The following C8A variants were observed in gnomAD, a reference collection of about 807,000 sequenced individuals.
C8A encodes complement component C8 alpha chain.
C8A carries 67 observed loss-of-function variants against 65.3 expected under a neutral mutation model. The observed-to-expected ratio is 1.03, with a 90% CI of 0.84 to 1.26. The LOEUF (loss-of-function observed/expected upper bound fraction) is 1.26, where lower values mean the gene tolerates loss of function less well. Ranked by LOEUF, C8A falls within the 50% of genes most tolerant of loss-of-function variation. The pLI, the probability that C8A is intolerant of heterozygous loss-of-function variation, is 0.00. For missense variants in C8A, 781 were observed against 723.9 expected, an observed-to-expected ratio of 1.08 and a Z score of -0.90; for synonymous variants, 290 against 259.4, an observed-to-expected ratio of 1.12 and a Z score of -1.13.
chr1:56,869,635 T>C (rs1644123577), intron 2 of C8A, among the ~76,000 whole-genome samples: 2 of 152,238 alleles, frequency 1.3e-5, no homozygotes, highest in Non-Finnish European at 2.9e-5. Flanking sequence ...CCACCAGTAG[T>C]GTAAAACTGT....
At chr1:56,894,890 G>T (rs1225147224) in intron 7 of C8A, among the ~76,000 whole-genome samples, 1 of 152,036 alleles carries the variant, frequency 6.6e-6, no homozygotes, top group Admixed American at 6.6e-5. Flanking sequence ...CAGCCAAATT[G>T]GTTACCACCC....
chr1:56,906,126 T>G (rs1644462350), intron 7 of C8A, among the ~76,000 whole-genome samples: 2 of 152,126 alleles, frequency 1.3e-5, no homozygotes, highest in East Asian at 3.9e-4. Flanking sequence ...CAAAGAGAAT[T>G]GTGATGAAGA....
chr1:56,875,426 C>T (rs1376608552), intron 3 of C8A, among the ~76,000 whole-genome samples: 1 of 152,076 alleles, frequency 6.6e-6, no homozygotes, highest in Admixed American at 6.6e-5. Flanking sequence ...AATAATGCAC[C>T]TTACCTTGAT....
intron 9 of C8A, 93 bp downstream of exon 9, chr1:56,908,206 C>A: frequency 7.2e-7 from 1 of 1,388,012 alleles, no homozygotes; most frequent in Non-Finnish European, 1.0e-6. Context: ...ATGAGCCCAT[C>A]AAAGAACAAG....
intron 8 of C8A, 30 bp downstream of exon 8, chr1:56,906,822 A>G: frequency 6.2e-7 from 1 of 1,613,858 alleles, no homozygotes; most frequent in Non-Finnish European, 8.5e-7. Context: ...TCTCCCAAAA[A>G]GAGAAGCCAG....
chr1:56,917,072 C>T (rs72670338), intron 10 of C8A, among the ~76,000 whole-genome samples: 20,205 of 152,222 alleles, frequency 0.13, 1,729 homozygotes, highest in East Asian at 0.34. Flanking sequence ...GGGAGCACAC[C>T]TCCTGCCTCC....
intron 10 of C8A, among the ~76,000 whole-genome samples, chr1:56,916,856 A>C (rs1361154900): frequency 6.6e-6 from 1 of 152,184 alleles, no homozygotes; most frequent in East Asian, 1.9e-4. Context: ...TGGTCAGTGC[A>C]TGTGTTCAGA....
intron 10 of C8A, among the ~76,000 whole-genome samples, chr1:56,916,770 C>T (rs1644555845): frequency 6.6e-6 from 1 of 152,202 alleles, no homozygotes; most frequent in South Asian, 2.1e-4. Flanking sequence ...GTCCATCCTT[C>T]TCATATGATA....
In C8A at chr1:56,896,799, G is replaced by C. The variant is rs1644390263; in HGVS notation, c.1097-9868G>C. Among the ~76,000 whole-genome samples, 3 of 152,202 alleles carry C rather than the reference G, an allele frequency of 2.0e-5. No individual in the cohort carries two copies. The South Asian group carries it at 6.2e-4, about 31-fold the overall frequency. ...TCTGGAAAGTCTCATGTAATCAAGT[G>C]CTTCCAAGAGTGTATCTCAGTGGAA... is the stretch of plus-strand genomic sequence containing the variant. On this transcript the variant is annotated intron_variant, in intron 7 of 10. Transcript: ENST00000361249.
intron 9 of C8A, among the ~76,000 whole-genome samples, chr1:56,911,051 T>C (rs1644501304): frequency 1.5e-5 from 2 of 136,562 alleles, no homozygotes; most frequent in African/African-American, 5.5e-5. Flanking sequence ...ATGCATGCAA[T>C]TTGAAAAACA....
chr1:56,857,085 A>G (rs891878532), intron 1 of C8A, among the ~76,000 whole-genome samples: 1 of 152,040 alleles, frequency 6.6e-6, no homozygotes, highest in African/African-American at 2.4e-5. Context: ...GATCAACCTT[A>G]GTGAATATTC....
At chr1:56,870,652 T>C (rs1363817229) in intron 2 of C8A, among the ~76,000 whole-genome samples, 2 of 147,090 alleles carry the variant, frequency 1.4e-5, no homozygotes, top group African/African-American at 2.6e-5. Context: ...GTGGCCATTA[T>C]TCAACCTGTT....
At chr1:56,857,558 T>C (rs961598270) in intron 1 of C8A, among the ~76,000 whole-genome samples, 6 of 152,090 alleles carry the variant, frequency 3.9e-5, no homozygotes, top group Admixed American at 6.5e-5. Context: ...CATACATAGA[T>C]GAGGCTTGCT....
At chr1:56,875,335 C>T (rs1396136920) in intron 3 of C8A, among the ~76,000 whole-genome samples, 5 of 152,168 alleles carry the variant, frequency 3.3e-5, no homozygotes, top group South Asian at 4.1e-4. Context: ...CATTCATTCA[C>T]CCACTCATTG....
intron 2 of C8A, among the ~76,000 whole-genome samples, chr1:56,874,504 C>T (rs1276601156): frequency 1.3e-5 from 2 of 152,204 alleles, no homozygotes; most frequent in African/African-American, 4.8e-5. Context: ...CCTCTCTTCT[C>T]TACCCTCAAT....
intron 7 of C8A, among the ~76,000 whole-genome samples, chr1:56,891,784 G>A (rs147016858): frequency 6.6e-6 from 1 of 152,234 alleles, no homozygotes; most frequent in African/African-American, 2.4e-5. Context: ...GAAGGTGCCA[G>A]CTTCATGGTA....
intron 5 of C8A, among the ~76,000 whole-genome samples, chr1:56,882,950 G>T (rs1157886494): frequency 2.0e-5 from 3 of 151,126 alleles, no homozygotes; most frequent in East Asian, 1.9e-4. Context: ...CTACTCACAG[G>T]CTCATAAGGC....
chr1:56,867,022 T>C (rs1644095935), intron 1 of C8A, among the ~76,000 whole-genome samples: 1 of 152,172 alleles, frequency 6.6e-6, no homozygotes, highest in Non-Finnish European at 1.5e-5. Flanking sequence ...GTACATAAAA[T>C]AGATCTAATA....
intron 1 of C8A, among the ~76,000 whole-genome samples, chr1:56,857,033 A>C (rs1643983626): frequency 6.6e-6 from 1 of 152,000 alleles, no homozygotes; most frequent in South Asian, 2.1e-4. Flanking sequence ...TTTTAATTGC[A>C]GTTCTTTTAA....
Sources: gnomAD v4.1 joint callset for allele counts (sites outside exome capture counted in the v4.1 genomes callset) on GRCh38, gnomAD v4.1.1 for gene constraint, MANE v1.5 for transcripts, NCBI Gene and HGNC (gene_info 2026-07-23, HGNC 2026-07-21) for gene names.